The following TMEM165 variants were observed in gnomAD, a reference collection of about 807,000 sequenced individuals.
The protein encoded by TMEM165 is transmembrane protein 165.
TMEM165 carries 19 observed loss-of-function variants against 30.0 expected under a neutral mutation model. That is an observed-to-expected ratio of 0.63 (90% CI 0.44 to 0.93). TMEM165 has a LOEUF of 0.93. Ranked by LOEUF, TMEM165 falls within the 40% of genes least tolerant of loss-of-function variation. TMEM165 has a pLI of 0.00. For missense variants in TMEM165, 340 were observed against 417.0 expected (o/e 0.82, Z 1.61); for synonymous variants, 168 against 162.9 (o/e 1.03, Z -0.24).
chr4:55,424,780 A>G, intron 5 of TMEM165, 137 bp downstream of exon 5: 1 of 625,440 alleles, frequency 1.6e-6, no homozygotes, highest in South Asian at 2.1e-5. Flanking sequence ...TTATAGAGGT[A>G]TTAATCCTGG....
chr4:55,424,477 T>G, intron 4 of TMEM165, 61 bp from the exon 5 acceptor site: 6 of 986,010 alleles, frequency 6.1e-6, no homozygotes, highest in Non-Finnish European at 8.1e-6. Flanking sequence ...TGAATTGTTA[T>G]GGTTCTCAAG....
intron 3 of TMEM165, among the ~76,000 whole-genome samples, chr4:55,446,098 CTTCTT>C (rs1310749032): frequency 4.9e-5 from 5 of 101,312 alleles, no homozygotes; most frequent in African/African-American, 7.1e-5. Context: ...AAAAATTTAA[CTTCTT>C]TTTTTTTTTT....
chr4:55,408,997 C>T (rs1222056218), intron 1 of TMEM165, among the ~76,000 whole-genome samples: 1 of 150,710 alleles, frequency 6.6e-6, no homozygotes, highest in African/African-American at 2.4e-5. Flanking sequence ...AGGGGGCTTG[C>T]TCCATCACCC....
At chr4:55,409,393 T>TCCC (rs1721395142) in intron 1 of TMEM165, among the ~76,000 whole-genome samples, 1 of 152,228 alleles carries the variant, frequency 6.6e-6, no homozygotes, top group African/African-American at 2.4e-5. Flanking sequence ...ATTACTATGT[T>TCCC]CTTGGGTTTC....
At chr4:55,399,008 A>G (rs1720846203) in intron 1 of TMEM165, 1 of 152,118 alleles carries the variant, frequency 6.6e-6, no homozygotes, top group African/African-American at 2.4e-5. Context: ...GTGATTTTGT[A>G]ACCATTATTG....
intron 1 of TMEM165, among the ~76,000 whole-genome samples, chr4:55,401,880 G>A (rs1249046952): frequency 6.7e-6 from 1 of 150,086 alleles, no homozygotes; most frequent in East Asian, 1.9e-4. Context: ...ACTTTGGGAG[G>A]CCGAGGTGGG....
chr4:55,400,059 G>GC (rs1452324790), intron 1 of TMEM165, among the ~76,000 whole-genome samples: 9 of 137,836 alleles, frequency 6.5e-5, no homozygotes, highest in Non-Finnish European at 1.2e-4. Flanking sequence ...TGCTCAGCCT[G>GC]CCCTCAAACT....
At chr4:55,449,355 A>C (rs1724223433) in intron 3 of TMEM165, 1 of 1,522,212 alleles carries the variant, frequency 6.6e-7, no homozygotes, top group Non-Finnish European at 9.1e-7. Flanking sequence ...TTCCCCTCTT[A>C]ATAAATCTTT....
chr4:55,407,931 CA>C (rs1231189775), intron 1 of TMEM165, among the ~76,000 whole-genome samples: 4 of 152,114 alleles, frequency 2.6e-5, no homozygotes, highest in Non-Finnish European at 5.9e-5. Context: ...ACTTGAGTCA[CA>C]GGGGGGTGTA....
intron 3 of TMEM165, chr4:55,443,956 TA>T: frequency 6.8e-7 from 1 of 1,481,000 alleles, no homozygotes. Flanking sequence ...GAATGAGCAT[TA>T]AAAAGAAGGC....
chr4:55,443,292 T>A (rs1048781174), intron 3 of TMEM165, among the ~76,000 whole-genome samples: 1 of 152,092 alleles, frequency 6.6e-6, no homozygotes, highest in Admixed American at 6.5e-5. Context: ...CAGGCCAACA[T>A]GGTGAAACCC....
chr4:55,452,839 T>C, exon 4 of TMEM165: 1 of 437,692 alleles, frequency 2.3e-6, no homozygotes, highest in Non-Finnish European at 4.1e-6. Context: ...AATGGTAGTT[T>C]TGAGATCAGA....
chr4:55,411,592 G>T (rs1364730955), intron 1 of TMEM165, 22 bp from the exon 2 acceptor site: 1 of 1,564,756 alleles, frequency 6.4e-7, no homozygotes, highest in Non-Finnish European at 8.7e-7. Context: ...ATTTTAAGAA[G>T]TAACTGATTT....
chr4:55,407,738 C>T (rs535527954), intron 1 of TMEM165, among the ~76,000 whole-genome samples: 1 of 152,294 alleles, frequency 6.6e-6, no homozygotes, highest in South Asian at 2.1e-4. Flanking sequence ...AAGACCATTA[C>T]GTTTCTTAAA....
chr4:55,424,773 T>TTATA (rs1722124218), intron 5 of TMEM165, 130 bp downstream of exon 5: 1 of 658,054 alleles, frequency 1.5e-6, no homozygotes, highest in Admixed American at 2.7e-5. Flanking sequence ...CCATCTCTTA[T>TTATA]AGAGGTATTA....
Position 55,411,598 on chromosome 4 carries a change from GA to G in TMEM165, c.208-15del. The G allele has an allele frequency of 6.4e-7, 1 of 1,554,824 alleles. No individual in the cohort carries two copies. The highest frequency in any genetic ancestry group is 8.8e-7 in the Non-Finnish European group (1 of 1,133,900). Reference sequence around the variant, plus strand: ...TGAATAATGATTTTAAGAAGTAACTGATTTTTTTTTTCCAGAAAATATTTAC... The same window carrying G: ...TGAATAATGATTTTAAGAAGTAACTGTTTTTTTTTTCCAGAAAATATTTAC... On this transcript the variant is annotated splice_polypyrimidine_tract_variant and intron_variant, in intron 1 of 5. Transcript: ENST00000381334.
At chr4:55,399,614 A>G (rs1225740937) in intron 1 of TMEM165, among the ~76,000 whole-genome samples, 1 of 151,986 alleles carries the variant, frequency 6.6e-6, no homozygotes, top group Non-Finnish European at 1.5e-5. Flanking sequence ...AGAGCTACTA[A>G]TATCCTTTTT....
At chr4:55,430,804 A>T (rs1183371774), downstream of TMEM165, 1 of 152,208 alleles carries the variant, frequency 6.6e-6, no homozygotes, top group Non-Finnish European at 1.5e-5. Flanking sequence ...CCTCTGAAAA[A>T]TAAACAGGCT....
chr4:55,435,186 ACT>A (rs1162828805), intron 3 of TMEM165: 3 of 555,942 alleles, frequency 5.4e-6, no homozygotes, highest in East Asian at 6.2e-5. Flanking sequence ...CACCTAAAAC[ACT>A]GTCAGAACTG....
Sources: gnomAD v4.1 joint callset for allele counts (sites outside exome capture counted in the v4.1 genomes callset) on GRCh38, gnomAD v4.1.1 for gene constraint, MANE v1.5 for transcripts, NCBI Gene and HGNC (gene_info 2026-07-23, HGNC 2026-07-21) for gene names.